PCDHGA6: variants seen among roughly 807,000 people sequenced by gnomAD.
PCDHGA6 encodes the protein protocadherin gamma-A6.
PCDHGA6 carries 41 observed loss-of-function variants against 60.6 expected under a neutral mutation model. The ratio of observed to expected loss-of-function variants is 0.68; its 90% CI spans 0.53 to 0.88. The LOEUF (loss-of-function observed/expected upper bound fraction) is 0.88. Ranked by LOEUF, PCDHGA6 falls within the 40% of genes least tolerant of loss-of-function variation. The probability of loss-of-function intolerance (pLI) is 0.00; values close to 1 mark genes in which losing one functional copy is unlikely to be tolerated. For synonymous variants in PCDHGA6, 594 were observed against 524.4 expected, an observed-to-expected ratio of 1.13 and a Z score of -1.81; for missense variants, 1,312 against 1,203.0, an observed-to-expected ratio of 1.09 and a Z score of -1.34.
chr5:141,431,016 C>A lies in PCDHGA6; in HGVS notation c.2424+54509C>A, dbSNP rs755015257. 4 of 1,613,456 alleles carry A rather than the reference C, an allele frequency of 2.5e-6. No individual in the cohort carries two copies. Among genetic ancestry groups the A allele is most frequent in the East Asian group, 2.2e-5 (1 of 44,860 alleles). ...AATCCGCGCAGCGGCAGCTTGGTCA[C>A]GGCGGGCAGGATAGACCGGGAGGAG... is the stretch of plus-strand genomic sequence containing the variant. On this transcript the variant is annotated intron_variant, in intron 1 of 3. Coordinates refer to ENST00000517434, the MANE Select transcript of PCDHGA6 (RefSeq NM_018919.3). The surrounding 1 kb of genome is among the most constrained non-coding windows in gnomAD (Gnocchi z 4.8).
intron 1 of PCDHGA6, among the ~76,000 whole-genome samples, chr5:141,380,158 T>C (rs939673033): frequency 6.6e-6 from 1 of 151,976 alleles, no homozygotes; most frequent in Non-Finnish European, 1.5e-5. Flanking sequence ...CCTCAGCCTC[T>C]CAAAGGGCTG....
In PCDHGA6 at chr5:141,476,432, G is replaced by T; in HGVS notation, c.2425-18375G>T. 6.2e-7 allele frequency: 1 copy of T among 1,614,116 alleles called. No individual in the cohort carries two copies. The highest frequency in any genetic ancestry group is 8.5e-7 in the Non-Finnish European group (1 of 1,180,028). ...GTGTGGGACACTGCCCTCTTGCACT[G>T]TAACTCTGGAGTTGGTAGTGGAGAA... On this transcript the variant is annotated intron_variant, in intron 1 of 3. Coordinates refer to ENST00000517434, the MANE Select transcript of PCDHGA6 (RefSeq NM_018919.3). The surrounding 1 kb of genome is among the most constrained non-coding windows in gnomAD (Gnocchi z 7.6).
rs928847931 is a variant in PCDHGA6 at position 141,385,514 on chromosome 5, G to A, written c.2424+9007G>A. 5 of 1,363,488 alleles carry A rather than the reference G, an allele frequency of 3.7e-6. No homozygotes were observed. The African/African-American group carries it at 5.9e-5, about 16-fold the overall frequency. The allele number at this position is 1,363,488 out of a possible 1,614,324, so 84.5% of individuals were successfully genotyped here. ...AGGATATAGTATTTCTTTAGTGAAA[G>A]CCTATGGACAAGATTATGAATATGT... is the stretch of plus-strand genomic sequence containing the variant. On this transcript the variant is annotated intron_variant, in intron 1 of 3. Transcript: ENST00000517434.
intron 1 of PCDHGA6, among the ~76,000 whole-genome samples, chr5:141,455,776 A>G (rs1386162201): frequency 6.6e-6 from 1 of 152,186 alleles, no homozygotes. Context: ...GGGCTTTAAA[A>G]GAAACTTTTC....
intron 1 of PCDHGA6, among the ~76,000 whole-genome samples, chr5:141,433,809 C>A (rs913637407): frequency 5.3e-5 from 8 of 149,948 alleles, no homozygotes; most frequent in Non-Finnish European, 1.2e-4. Flanking sequence ...TGCACTCCAG[C>A]CTGGGCAACA....
intron 1 of PCDHGA6, chr5:141,412,443 T>C (rs1479281650): frequency 6.6e-6 from 1 of 152,204 alleles, no homozygotes; most frequent in Non-Finnish European, 1.5e-5. Context: ...TAATTAAGGC[T>C]CAGTAAAACT....
chr5:141,445,388 A>G (rs2098465525), intron 1 of PCDHGA6, among the ~76,000 whole-genome samples: 2 of 152,212 alleles, frequency 1.3e-5, no homozygotes, highest in African/African-American at 4.8e-5. Flanking sequence ...TCATTCATTT[A>G]CATAACAAAT....
At chr5:141,417,648 T>A in intron 1 of PCDHGA6, 5 of 818,672 alleles carry the variant, frequency 6.1e-6, no homozygotes, top group Non-Finnish European at 9.1e-6. Flanking sequence ...TCCCTCAGCC[T>A]CTAGCCTGGG....
At chr5:141,415,828 G>A (rs1178303711) in intron 1 of PCDHGA6, 4 of 1,293,274 alleles carry the variant, frequency 3.1e-6, no homozygotes, top group Non-Finnish European at 3.0e-6. Flanking sequence ...ATAAGGCTTT[G>A]TTATGATTAG....
At chr5:141,482,074 A>G (rs1349748840) in intron 1 of PCDHGA6, among the ~76,000 whole-genome samples, 2 of 142,830 alleles carry the variant, frequency 1.4e-5, no homozygotes, top group Non-Finnish European at 3.0e-5. Context: ...AACAAGAACA[A>G]AACTCACTCC....
intron 1 of PCDHGA6, chr5:141,398,887 A>T: frequency 6.2e-7 from 1 of 1,613,976 alleles, no homozygotes; most frequent in Non-Finnish European, 8.5e-7. Context: ...CCTTCGGGAA[A>T]ACGTGCCACC....
chr5:141,490,380 T>C lies in PCDHGA6; in HGVS notation c.2425-4427T>C, dbSNP rs1246254637. 1 of 1,614,204 alleles carries C rather than the reference T, an allele frequency of 6.2e-7. No individual in the cohort carries two copies. ...TTAATGTGCGAGACCGGGACTCAGGTAGAAATGGTGAAGTGAGCCTTGATA... is the reference window on the plus strand; with the variant it reads ...TTAATGTGCGAGACCGGGACTCAGGCAGAAATGGTGAAGTGAGCCTTGATA... On this transcript the variant is annotated intron_variant, in intron 1 of 3. Coordinates refer to ENST00000517434, the MANE Select transcript of PCDHGA6 (RefSeq NM_018919.3). This position sits in a 1 kb window ranked among gnomAD's most constrained non-coding sequence, Gnocchi z 5.4.
Position 141,404,830 on chromosome 5 carries a change from G to A in PCDHGA6, c.2424+28323G>A, listed in dbSNP as rs775106144. The A allele has an allele frequency of 3.7e-6, 6 of 1,613,932 alleles. No individual in the cohort carries two copies. In the East Asian group the frequency reaches 1.3e-4, roughly 36 times the overall value. ...CGGTGGGGCTGCACACAGGTGAAGT[G>A]CGCACAGCTCGGGCCCTGCTAGATA... On this transcript the variant is annotated intron_variant, in intron 1 of 3. Coordinates refer to ENST00000517434, the MANE Select transcript of PCDHGA6 (RefSeq NM_018919.3).
At chr5:141,423,882 C>T in intron 1 of PCDHGA6, 3 of 1,282,372 alleles carry the variant, frequency 2.3e-6, no homozygotes, top group Non-Finnish European at 3.0e-6. Context: ...TCAATCTTGG[C>T]ATATTTTCTT....
rs558513172 is a variant in PCDHGA6 at position 141,424,015 on chromosome 5, A to T, written c.2424+47508A>T. The T allele has an allele frequency of 3.0e-5, 32 of 1,060,896 alleles. No individual in the cohort carries two copies. The Admixed American group carries it at 3.2e-4, about 11-fold the overall frequency. The allele number at this position is 1,060,896 out of a possible 1,614,324, so 65.7% of individuals were successfully genotyped here. A position where few individuals can be genotyped will look rare whatever the true frequency, so the allele number is the denominator to read the frequency against. ...TATTATATATAGATACAAATTAATGATTCACAAACACTTTTTATTTCCATT... is the reference window on the plus strand; with the variant it reads ...TATTATATATAGATACAAATTAATGTTTCACAAACACTTTTTATTTCCATT... On this transcript the variant is annotated intron_variant, in intron 1 of 3. Transcript: ENST00000517434.
chr5:141,487,831 A>T lies in PCDHGA6; in HGVS notation c.2425-6976A>T. 2 of 1,144,322 alleles carry T rather than the reference A, an allele frequency of 1.7e-6. No individual in the cohort carries two copies. Among genetic ancestry groups the T allele is most frequent in the Non-Finnish European group, 2.4e-6 (2 of 818,294 alleles). 70.9% of individuals were successfully genotyped at this position (1,144,322 alleles called of 1,614,324 possible). ...TTAGCATTGGGGGCGGGTCATGCCT[A>T]TATCTGAGTAAGAAATGAAAGTAAT... On this transcript the variant is annotated intron_variant, in intron 1 of 3. Transcript: ENST00000517434. The surrounding 1 kb of genome is among the most constrained non-coding windows in gnomAD (Gnocchi z 5.0).
rs749007839 is a variant in PCDHGA6 at position 141,418,069 on chromosome 5, G to A, written c.2424+41562G>A. On this transcript the variant is annotated intron_variant, in intron 1 of 3. Coordinates refer to ENST00000517434, the MANE Select transcript of PCDHGA6 (RefSeq NM_018919.3). ...CGGCTCGCGAGCTGCGAGTGAGCGC[G>A]GAGAAGCTGCACTTCAGCGTAGACG... 1.7e-5 allele frequency: 28 copies of A among 1,613,926 alleles called. 1 individual carries two copies. The Middle Eastern group carries it at 9.9e-4, about 57-fold the overall frequency.
At chr5:141,387,510 C>A (rs972550298) in intron 1 of PCDHGA6, among the ~76,000 whole-genome samples, 1 of 152,206 alleles carries the variant, frequency 6.6e-6, no homozygotes, top group Non-Finnish European at 1.5e-5. Context: ...TTTTAGACGT[C>A]ATTAAATATA....
At chr5:141,469,374 A>G (rs1270202528) in intron 1 of PCDHGA6, among the ~76,000 whole-genome samples, 1 of 152,076 alleles carries the variant, frequency 6.6e-6, no homozygotes, top group Non-Finnish European at 1.5e-5. Flanking sequence ...AAAGAGATCG[A>G]GACCATCCTG....
Sources: allele counts gnomAD v4.1 joint callset (sites outside exome capture counted in the v4.1 genomes callset), GRCh38; gene constraint gnomAD v4.1.1; non-coding constraint Gnocchi (gnomAD v3.1); transcripts MANE v1.5; gene names NCBI Gene and HGNC (gene_info 2026-07-23, HGNC 2026-07-21).